The following SLC35D4 variants were observed in gnomAD, a reference collection of about 807,000 sequenced individuals.
SLC35D4 encodes UDP-N-acetylglucosamine transporter SLC35D4.
At chr18:23,371,777 C>T in the SLC35D4 span, among the ~76,000 whole-genome samples, 1 of 151,764 alleles carries the variant, frequency 6.6e-6, no homozygotes, top group Non-Finnish European at 1.5e-5. Flanking sequence ...TTGTATGTAC[C>T]CCCTACTGTC....
At chr18:23,244,564 G>A in the SLC35D4 span, among the ~76,000 whole-genome samples, 8 of 152,202 alleles carry the variant, frequency 5.3e-5, no homozygotes, top group Non-Finnish European at 8.8e-5. Flanking sequence ...AGATTTAGTC[G>A]AGGGCCACCG....
chr18:23,329,065 C>T, the SLC35D4 span, among the ~76,000 whole-genome samples: 32 of 151,934 alleles, frequency 2.1e-4, no homozygotes, highest in African/African-American at 7.0e-4. Flanking sequence ...TCAAGATGGA[C>T]TAAAGACTTA....
At chr18:23,371,935 G>GTTTTTTTTTTTTT in the SLC35D4 span, among the ~76,000 whole-genome samples, 285 of 35,332 alleles carry the variant, frequency 8.1e-3, 64 homozygotes, top group Middle Eastern at 0.028. Context: ...TGTTTTTTTT[G>GTTTTTTTTTTTTT]TTTTTTTTTT....
the SLC35D4 span, chr18:23,370,065 G>A: frequency 8.6e-6 from 5 of 579,350 alleles, no homozygotes; most frequent in African/African-American, 1.9e-5. Flanking sequence ...TGTAATCCCA[G>A]CTACTCGGGA....
chr18:23,308,379 T>C, the SLC35D4 span, among the ~76,000 whole-genome samples: 1 of 152,130 alleles, frequency 6.6e-6, no homozygotes, highest in African/African-American at 2.4e-5. Flanking sequence ...TCAGCCTTCA[T>C]ACATTCAAAC....
the SLC35D4 span, among the ~76,000 whole-genome samples, chr18:23,394,983 CAAAAAAA>C: frequency 1.8e-5 from 1 of 54,460 alleles, no homozygotes; most frequent in African/African-American, 8.6e-5. Flanking sequence ...AACTCCATCT[CAAAAAAA>C]AAAAAAAAAA....
At chr18:23,408,179 A>ACC in the SLC35D4 span, among the ~76,000 whole-genome samples, 1 of 91,506 alleles carries the variant, frequency 1.1e-5, no homozygotes, top group Non-Finnish European at 2.0e-5. Context: ...ACACACACAC[A>ACC]CCCCTAACCT....
chr18:23,405,087 A>G, the SLC35D4 span, among the ~76,000 whole-genome samples: 3 of 150,998 alleles, frequency 2.0e-5, no homozygotes, highest in Admixed American at 2.0e-4. Context: ...GGCACCTCCT[A>G]TGAACCAGAA....
the SLC35D4 span, among the ~76,000 whole-genome samples, chr18:23,239,232 T>A: frequency 6.6e-6 from 1 of 152,246 alleles, no homozygotes; most frequent in Non-Finnish European, 1.5e-5. Flanking sequence ...CCTGCCCTCC[T>A]CATTTGATGT....
the SLC35D4 span, among the ~76,000 whole-genome samples, chr18:23,307,785 C>T: frequency 6.6e-6 from 1 of 152,176 alleles, no homozygotes; most frequent in Non-Finnish European, 1.5e-5. Flanking sequence ...GAGGTGTGTC[C>T]TGAAGCTACC....
the SLC35D4 span, among the ~76,000 whole-genome samples, chr18:23,330,137 G>T: frequency 1.1e-4 from 17 of 152,168 alleles, no homozygotes; most frequent in Non-Finnish European, 2.4e-4. Context: ...CATGGCAGGT[G>T]TATACCTATG....
chr18:23,356,665 T>G, the SLC35D4 span: 1 of 1,613,980 alleles, frequency 6.2e-7, no homozygotes, highest in Non-Finnish European at 8.5e-7. This position sits in a 1 kb window ranked among gnomAD's most constrained non-coding sequence, Gnocchi z 4.1. Flanking sequence ...AGAGATCACC[T>G]GAGGGGAACA....
At chr18:23,258,987 G>A in the SLC35D4 span, 1 of 144,738 alleles carries the variant, frequency 6.9e-6, no homozygotes, top group South Asian at 2.3e-4. Context: ...GTAAGACAGT[G>A]ATTTGGGTGG....
At chr18:23,305,224 G>A in the SLC35D4 span, among the ~76,000 whole-genome samples, 26 of 152,188 alleles carry the variant, frequency 1.7e-4, no homozygotes, top group African/African-American at 6.0e-4. Context: ...CTTGTCCTGG[G>A]TGACGCTCTG....
At chr18:23,377,579 A>T in the SLC35D4 span, 1 of 1,466,076 alleles carries the variant, frequency 6.8e-7, no homozygotes, top group Non-Finnish European at 9.2e-7. Flanking sequence ...TGAACAGTTT[A>T]TCATTCAAGT....
At chr18:23,395,202 C>T in the SLC35D4 span, among the ~76,000 whole-genome samples, 18 of 152,160 alleles carry the variant, frequency 1.2e-4, no homozygotes, top group South Asian at 2.1e-4. Context: ...ACATTAGGGG[C>T]GGATGCTCCA....
At chr18:23,368,616 C>T in the SLC35D4 span, 1 of 759,574 alleles carries the variant, frequency 1.3e-6, no homozygotes, top group Non-Finnish European at 2.1e-6. Context: ...ATCTTCCTGG[C>T]AGGCACATTG....
chr18:23,316,209 C>T, the SLC35D4 span, among the ~76,000 whole-genome samples: 2 of 152,188 alleles, frequency 1.3e-5, no homozygotes, highest in Non-Finnish European at 1.5e-5. Flanking sequence ...CAGGGACGGG[C>T]GGACTCCAGC....
the SLC35D4 span, among the ~76,000 whole-genome samples, chr18:23,404,699 C>T: frequency 8.1e-5 from 12 of 148,064 alleles, no homozygotes; most frequent in African/African-American, 2.2e-4. Flanking sequence ...AAAAAAAAGG[C>T]CAGGCACGGT....
Sources: gnomAD v4.1 joint callset for allele counts (sites outside exome capture counted in the v4.1 genomes callset) on GRCh38, gnomAD v4.1.1 for gene constraint, Gnocchi (gnomAD v3.1) non-coding constraint, MANE v1.5 for transcripts, NCBI Gene and HGNC (gene_info 2026-07-23, HGNC 2026-07-21) for gene names.